The following TG variants were observed in gnomAD, a reference collection of about 807,000 sequenced individuals.
The protein encoded by TG is thyroglobulin, also known as thyroid hormones.
In TG, 270 loss-of-function variants were observed where a neutral mutation model predicts 324.7. The observed-to-expected ratio is 0.83, with a 90% CI of 0.75 to 0.92. The LOEUF (loss-of-function observed/expected upper bound fraction) is 0.92. Among genes scored for constraint, TG ranks in the 40% least tolerant of loss-of-function variants. The probability of loss-of-function intolerance (pLI) is 0.00; values close to 1 mark genes in which losing one functional copy is unlikely to be tolerated. For missense variants in TG, 3,591 were observed against 3,456.4 expected (o/e 1.04, Z -0.98); for synonymous variants, 1,401 against 1,327.0 (o/e 1.06, Z -1.21).
rs182374943 is a variant in TG at position 133,124,158 on chromosome 8, G to A, written c.7862+7442G>A. On this transcript the variant is annotated intron_variant, in intron 45 of 47. Transcript: ENST00000220616. ...TCTCATCTTAAAATGCCTGGGGGCT[G>A]GGCCAGCTGTGGAGTTCATGGTTTC... 3.9e-5 allele frequency among the ~76,000 whole-genome samples: 6 copies of A among 152,348 alleles called. No individual in the cohort carries two copies. In the East Asian group the frequency reaches 1.2e-3, roughly 29 times the overall value.
intron 35 of TG, among the ~76,000 whole-genome samples, chr8:133,010,848 C>T (rs1020740059): frequency 2.0e-5 from 3 of 152,160 alleles, no homozygotes; most frequent in African/African-American, 7.2e-5. Context: ...GAGACAGCCA[C>T]GTCCTACGTA....
intron 43 of TG, among the ~76,000 whole-genome samples, chr8:133,109,954 A>G (rs1016255463): frequency 8.5e-5 from 13 of 152,262 alleles, no homozygotes; most frequent in African/African-American, 3.1e-4. Flanking sequence ...CATGTTATGT[A>G]TGAGAAAATG....
chr8:133,118,315 T>G, intron 45 of TG, among the ~76,000 whole-genome samples: 1 of 144,262 alleles, frequency 6.9e-6, no homozygotes. Context: ...CCAAACAGAT[T>G]CTTCCTTTTT....
intron 34 of TG, among the ~76,000 whole-genome samples, chr8:132,975,265 A>AT (rs759782148): frequency 1.3e-5 from 2 of 152,144 alleles, no homozygotes; most frequent in Non-Finnish European, 2.9e-5. Context: ...TAAAAATGTC[A>AT]TTTTCCATCT....
chr8:133,079,420 A>G (rs865977433), intron 41 of TG, among the ~76,000 whole-genome samples: 2 of 152,334 alleles, frequency 1.3e-5, no homozygotes, highest in Middle Eastern at 3.4e-3. Context: ...TCCCCTATGT[A>G]AAAACTAGCT....
At chr8:132,883,797 A>G (rs531584938) in intron 8 of TG, among the ~76,000 whole-genome samples, 1 of 152,140 alleles carries the variant, frequency 6.6e-6, no homozygotes, top group Non-Finnish European at 1.5e-5. Flanking sequence ...TCCAGAGCTG[A>G]TGGAGTCTGT....
chr8:133,078,699 T>C (rs905376722), intron 41 of TG, among the ~76,000 whole-genome samples: 1 of 152,222 alleles, frequency 6.6e-6, no homozygotes, highest in Non-Finnish European at 1.5e-5. Context: ...CTAAACACTC[T>C]TTTTTCTCTG....
chr8:132,941,693 CAT>C (rs1824467578), intron 26 of TG, 151 bp downstream of exon 26: 11 of 822,276 alleles, frequency 1.3e-5, no homozygotes, highest in Admixed American at 1.0e-4. Context: ...ACAATACACA[CAT>C]GATACTCACA....
intron 43 of TG, among the ~76,000 whole-genome samples, chr8:133,099,885 C>T (rs1170969543): frequency 6.6e-6 from 1 of 152,160 alleles, no homozygotes; most frequent in African/African-American, 2.4e-5. Flanking sequence ...TTTGTGCTAG[C>T]CCCCAACTCT....
At chr8:132,958,843 G>A (rs1049826479) in intron 27 of TG, among the ~76,000 whole-genome samples, 2 of 152,196 alleles carry the variant, frequency 1.3e-5, no homozygotes, top group African/African-American at 4.8e-5. Flanking sequence ...AACTGAGCAG[G>A]TGCGCAACCA....
intron 28 of TG, among the ~76,000 whole-genome samples, chr8:132,961,914 T>A (rs1468154307): frequency 6.6e-6 from 1 of 152,178 alleles, no homozygotes; most frequent in Non-Finnish European, 1.5e-5. Context: ...AATGATGGGA[T>A]GTGAATCCTG....
At chr8:133,083,804 G>A (rs1185913071) in intron 41 of TG, among the ~76,000 whole-genome samples, 2 of 152,076 alleles carry the variant, frequency 1.3e-5, no homozygotes, top group Admixed American at 1.3e-4. Context: ...ACTCACATGT[G>A]CCCTTCTCAT....
intron 34 of TG, among the ~76,000 whole-genome samples, chr8:132,981,004 G>A (rs893097461): frequency 6.6e-6 from 1 of 152,166 alleles, no homozygotes; most frequent in Non-Finnish European, 1.5e-5. Flanking sequence ...TTAAGAAGCT[G>A]TTCATAGGAT....
intron 41 of TG, chr8:133,049,958 A>G: frequency 6.2e-7 from 1 of 1,613,662 alleles, no homozygotes; most frequent in Non-Finnish European, 8.5e-7. Flanking sequence ...GACCAGTGCT[A>G]AGAGAAATAG....
chr8:133,128,382 C>CACAG (rs1270700620), intron 45 of TG, among the ~76,000 whole-genome samples: 1 of 149,160 alleles, frequency 6.7e-6, no homozygotes, highest in East Asian at 2.0e-4. Context: ...CACACACACA[C>CACAG]AGTCATCCGC....
chr8:132,902,228 A>G (rs79061321), intron 16 of TG, among the ~76,000 whole-genome samples: 4,678 of 152,196 alleles, frequency 0.031, 176 homozygotes, highest in East Asian at 0.086. Flanking sequence ...AGAGTTGCAA[A>G]ATACTGTGCT....
At chr8:133,062,710 G>T (rs1371825490) in intron 41 of TG, among the ~76,000 whole-genome samples, 1 of 152,032 alleles carries the variant, frequency 6.6e-6, no homozygotes, top group Non-Finnish European at 1.5e-5. Flanking sequence ...CACGCACAGG[G>T]TGTCGTACAC....
chr8:132,871,262 T>G, intron 3 of TG, 86 bp from the exon 4 acceptor site: 2 of 1,432,760 alleles, frequency 1.4e-6, no homozygotes, highest in Non-Finnish European at 2.0e-6. Flanking sequence ...CTGTGTCCCC[T>G]TGGGAAGGGA....
chr8:133,110,858 C>T lies in TG; in HGVS notation c.7573-2564C>T, dbSNP rs934026221. Among the ~76,000 whole-genome samples the T allele has an allele frequency of 4.6e-5, 7 of 152,132 alleles. 1 individual carries two copies. The highest frequency in any genetic ancestry group is 2.1e-4 in the South Asian group (1 of 4,830). On this transcript the variant is annotated intron_variant, in intron 43 of 47. Coordinates refer to ENST00000220616, the MANE Select transcript of TG (RefSeq NM_003235.5). ...CCATTGCACCTTGCACTGAGACTTC[C>T]TAGCTCTTCTTAGCCCGCACCCACG...
Sources: allele counts gnomAD v4.1 joint callset (sites outside exome capture counted in the v4.1 genomes callset), GRCh38; gene constraint gnomAD v4.1.1; transcripts MANE v1.5; gene names NCBI Gene and HGNC (gene_info 2026-07-23, HGNC 2026-07-21).